The following GRTP1 variants were observed in gnomAD, a reference collection of about 807,000 sequenced individuals.
The protein encoded by GRTP1 is growth hormone regulated TBC protein 1.
Under a neutral mutation model 38.1 loss-of-function variants are expected in GRTP1, and 56 were observed. The ratio of observed to expected loss-of-function variants is 1.47; its 90% CI spans 1.19 to 1.84. The LOEUF is 1.84. GRTP1 is among the 40% of genes most tolerant of loss of function. GRTP1 has a pLI of 0.00. For synonymous variants in GRTP1, 217 were observed against 189.5 expected, an observed-to-expected ratio of 1.14 and a Z score of -1.19; for missense variants, 506 against 453.9, an observed-to-expected ratio of 1.11 and a Z score of -1.04.
intron 4 of GRTP1, among the ~76,000 whole-genome samples, chr13:113,346,677 T>C (rs867607836): frequency 0.78 from 116 of 148 alleles, 57 homozygotes; most frequent in Admixed American, 1. Flanking sequence ...GCTGAGCGGA[T>C]CTGGGAGGAC....
At position 113,364,001 on chromosome 13, in the gene GRTP1, C is replaced by G; in HGVS notation, c.32+19G>C. ...GGGGACCGCAGCCGCCGGGGACGCCCGCACCCCGCGCCACACACCTGGGGA... is the reference window on the plus strand; with the variant it reads ...GGGGACCGCAGCCGCCGGGGACGCCGGCACCCCGCGCCACACACCTGGGGA... On this transcript the variant is annotated intron_variant, in intron 1 of 7. Transcript: ENST00000375431. 1.4e-6 allele frequency: 2 copies of G among 1,471,428 alleles called. No homozygotes were observed. Among genetic ancestry groups the G allele is most frequent in the Non-Finnish European group, 1.8e-6 (2 of 1,114,722 alleles). The allele number at this position is 1,471,428 out of a possible 1,614,324, so 91.1% of individuals were successfully genotyped here. A position where few individuals can be genotyped will look rare whatever the true frequency, so the allele number is the denominator to read the frequency against.
chr13:113,330,418 G>A (rs1390601700), intron 5 of GRTP1, among the ~76,000 whole-genome samples: 6 of 136,780 alleles, frequency 4.4e-5, no homozygotes, highest in Admixed American at 4.3e-4. Flanking sequence ...AAACCCGGGT[G>A]TGTGCATGGG....
At chr13:113,335,709 C>T (rs2042945758) in intron 5 of GRTP1, among the ~76,000 whole-genome samples, 1 of 152,094 alleles carries the variant, frequency 6.6e-6, no homozygotes, top group Non-Finnish European at 1.5e-5. Context: ...TGGGTGGGAA[C>T]ATGTGATATC....
At chr13:113,326,420 A>G (rs1285938036) in intron 5 of GRTP1, among the ~76,000 whole-genome samples, 4 of 99,960 alleles carry the variant, frequency 4.0e-5, no homozygotes. Flanking sequence ...CTGTAATCCC[A>G]GCACTTTGGG....
chr13:113,335,408 G>C (rs532112021), intron 5 of GRTP1, among the ~76,000 whole-genome samples: 44 of 145,148 alleles, frequency 3.0e-4, no homozygotes, highest in African/African-American at 1.1e-3. Context: ...GAGAGACAGA[G>C]CGGGACTCTG....
chr13:113,325,425 G>A (rs777049688), intron 7 of GRTP1: 200 of 1,442,642 alleles, frequency 1.4e-4, no homozygotes, highest in Non-Finnish European at 1.7e-4. Context: ...ACAGCCATTA[G>A]GACCAGGAGC....
At chr13:113,327,475 G>C (rs1175977666) in intron 5 of GRTP1, among the ~76,000 whole-genome samples, 1 of 152,214 alleles carries the variant, frequency 6.6e-6, no homozygotes, top group African/African-American at 2.4e-5. Flanking sequence ...ACTGCGCCCA[G>C]TCTGTTCTTG....
In GRTP1 at chr13:113,364,081, C is replaced by A. The variant is rs2139558826; in HGVS notation, c.-30G>T. The A allele has an allele frequency of 8.1e-7, 1 of 1,240,870 alleles. No individual in the cohort carries two copies. The highest frequency in any genetic ancestry group is 3.2e-5 in the East Asian group (1 of 31,090). The allele number at this position is 1,240,870 out of a possible 1,614,324, so 76.9% of individuals were successfully genotyped here. A position where few individuals can be genotyped will look rare whatever the true frequency, so the allele number is the denominator to read the frequency against. On this transcript the variant is annotated 5_prime_UTR_variant, in exon 1 of 8. Transcript: ENST00000375431. The stretch of plus-strand genomic sequence containing the variant: ...GGAGGGAGGCGCGCACCGAGCGAGG[C>A]CAGCGGGTCCCAAGTTCGCCTCCCG...
intron 5 of GRTP1, among the ~76,000 whole-genome samples, chr13:113,334,864 G>T (rs1408320081): frequency 1.3e-5 from 2 of 152,132 alleles, no homozygotes; most frequent in African/African-American, 4.8e-5. Context: ...TGTCGCCCAG[G>T]CTGGATGGAG....
chr13:113,361,186 G>A (rs1229821226), intron 2 of GRTP1, among the ~76,000 whole-genome samples: 2 of 107,322 alleles, frequency 1.9e-5, no homozygotes, highest in Admixed American at 2.1e-4. Context: ...GAAATTTTTA[G>A]AAAGAGTTGA....
Position 113,363,797 on chromosome 13 carries a change from A to G in GRTP1, c.146T>C (p.Leu49Pro). 6.2e-7 allele frequency: 1 copy of G among 1,610,274 alleles called. No homozygotes were observed. Among genetic ancestry groups the G allele is most frequent in the Non-Finnish European group, 8.5e-7 (1 of 1,179,040 alleles). The change falls in exon 2 of 8, where the codon CTG becomes CCG. Residue 49 changes from leucine to proline, a missense_variant. Coordinates refer to ENST00000375431, the MANE Select transcript of GRTP1 (RefSeq NM_024719.4). ...LTRRAIKWSR[L>P]LQGGGVPRSR... The stretch of plus-strand genomic sequence containing the variant: ...CCTGGGGACGCCCCCGCCCTGCAGC[A>G]GCCGGGACCATTTGATCGCCCTGCG...
At chr13:113,338,830 C>G (rs1286020011) in intron 5 of GRTP1, among the ~76,000 whole-genome samples, 1 of 152,028 alleles carries the variant, frequency 6.6e-6, no homozygotes, top group Non-Finnish European at 1.5e-5. Flanking sequence ...CTGGCCATTC[C>G]GGTCTCTATT....
chr13:113,333,830 ATTTAT>A (rs1256663397), intron 5 of GRTP1, among the ~76,000 whole-genome samples: 12 of 99,738 alleles, frequency 1.2e-4, no homozygotes, highest in Non-Finnish European at 1.9e-5. Context: ...TTATTTATTT[ATTTAT>A]TTAGTGTGTG....
chr13:113,357,054 G>GAATCCCA, intron 2 of GRTP1, among the ~76,000 whole-genome samples: 2 of 152,234 alleles, frequency 1.3e-5, no homozygotes, highest in Non-Finnish European at 2.9e-5. Flanking sequence ...GCTCATGCCT[G>GAATCCCA]GAATCCCAGC....
chr13:113,335,912 C>T (rs999157230), intron 5 of GRTP1, among the ~76,000 whole-genome samples: 2 of 152,146 alleles, frequency 1.3e-5, no homozygotes, highest in Non-Finnish European at 1.5e-5. Flanking sequence ...CCTGCCTCAG[C>T]CTCCTGAGTA....
chr13:113,326,624 T>A (rs1309804598), intron 5 of GRTP1, among the ~76,000 whole-genome samples: 2 of 149,906 alleles, frequency 1.3e-5, no homozygotes, highest in Non-Finnish European at 3.0e-5. Context: ...TGGGCCGAGA[T>A]CACACCACTG....
chr13:113,324,829 C>G (rs2042735190), intron 7 of GRTP1: 2 of 1,003,176 alleles, frequency 2.0e-6, no homozygotes, highest in Non-Finnish European at 2.4e-6. Context: ...TTCCATTAGA[C>G]TTTTTTTTTT....
chr13:113,325,947 C>T lies in GRTP1; in HGVS notation c.707G>A (p.Cys236Tyr). Residue 236 changes from cysteine (C) to tyrosine (Y), a missense_variant, in exon 6 of 8, where the codon TGC becomes TAC. Physicochemically the swap from Cys to Tyr is radical, Grantham distance 194 (BLOSUM62 -2). Coordinates refer to ENST00000375431, the MANE Select transcript of GRTP1 (RefSeq NM_024719.4). ...WTLLVSRWFICLFVDILPVET... is the reference protein window; with the variant it reads ...WTLLVSRWFIYLFVDILPVET... Reference sequence around the variant, plus strand: ...CACGGGCAAGATGTCCACAAACAGGCAGATGAACCAGCGGGACACCAGCAG... The same window carrying T: ...CACGGGCAAGATGTCCACAAACAGGTAGATGAACCAGCGGGACACCAGCAG... 1 of 1,613,962 alleles carries T rather than the reference C, an allele frequency of 6.2e-7. No individual in the cohort carries two copies. The highest frequency in any genetic ancestry group is 8.5e-7 in the Non-Finnish European group (1 of 1,179,966).
chr13:113,329,590 TA>T (rs1219133485), intron 5 of GRTP1, among the ~76,000 whole-genome samples: 1 of 151,622 alleles, frequency 6.6e-6, no homozygotes, highest in African/African-American at 2.4e-5. Context: ...TCTCAAAAAA[TA>T]AAAAATAAAA....
Sources: gnomAD v4.1 joint callset for allele counts (sites outside exome capture counted in the v4.1 genomes callset) on GRCh38, gnomAD v4.1.1 for gene constraint, MANE v1.5 for transcripts, NCBI Gene and HGNC (gene_info 2026-07-23, HGNC 2026-07-21) for gene names.